KCNT1: variants seen among roughly 807,000 people sequenced by gnomAD.
The protein encoded by KCNT1 is potassium sodium-activated channel subfamily T member 1.
A neutral mutation model predicts 147.8 loss-of-function variants in KCNT1; 78 were observed. That is an observed-to-expected ratio of 0.53 (90% confidence interval 0.44 to 0.64). The LOEUF (loss-of-function observed/expected upper bound fraction) is 0.64, where lower values mean the gene tolerates loss of function less well. KCNT1 is among the 30% of genes least tolerant of loss of function. The pLI, the probability that KCNT1 is intolerant of heterozygous loss-of-function variation, is 0.00. For missense variants in KCNT1, 1,419 were observed against 1,750.3 expected (o/e 0.81, Z 3.38); for synonymous variants, 867 against 748.8 (o/e 1.16, Z -2.58).
In KCNT1 at chr9:135,714,809, C is replaced by A. The variant is rs1168091016; in HGVS notation, c.254+89C>A. On this transcript the variant is annotated intron_variant, in intron 2 of 30. Coordinates refer to ENST00000371757, the MANE Select transcript of KCNT1 (RefSeq NM_020822.3). This position sits in a 1 kb window ranked among gnomAD's most constrained non-coding sequence, Gnocchi z 6.2. Reference sequence around the variant, plus strand: ...TGTCCGCGGTGCTGACGGCCGGTCCCGCGCGCCCCCGCAGCCGCCGGCGCC... The same window carrying A: ...TGTCCGCGGTGCTGACGGCCGGTCCAGCGCGCCCCCGCAGCCGCCGGCGCC... The A allele has an allele frequency of 1.1e-6, 1 of 943,162 alleles. No homozygotes were observed. The highest frequency in any genetic ancestry group is 1.3e-6 in the Non-Finnish European group (1 of 756,526). 58.4% of individuals were successfully genotyped at this position (943,162 alleles called of 1,614,324 possible).
At chr9:135,705,824 G>A (rs994903434) in intron 1 of KCNT1, among the ~76,000 whole-genome samples, 2 of 151,918 alleles carry the variant, frequency 1.3e-5, no homozygotes, top group African/African-American at 4.8e-5. Flanking sequence ...CAGGGCAGAG[G>A]CCGCGAGCTT....
intron 5 of KCNT1, 35 bp from the exon 6 acceptor site, chr9:135,755,086 G>T: frequency 6.3e-7 from 1 of 1,578,522 alleles, no homozygotes. Context: ...TAGTGGCTGT[G>T]GTGCCCTACT....
chr9:135,732,923 C>G (rs1212019624), intron 2 of KCNT1, among the ~76,000 whole-genome samples: 17 of 152,018 alleles, frequency 1.1e-4, no homozygotes, highest in Non-Finnish European at 1.3e-4. Context: ...CCCAGCCAGA[C>G]AGTGACCAAA....
intron 11 of KCNT1, among the ~76,000 whole-genome samples, chr9:135,760,236 G>A (rs1831825802): frequency 6.6e-6 from 1 of 152,208 alleles, no homozygotes; most frequent in Non-Finnish European, 1.5e-5. Flanking sequence ...GCCCACAGGG[G>A]GCACACCCCC....
chr9:135,716,737 G>A (rs1053685259), intron 2 of KCNT1, among the ~76,000 whole-genome samples: 1 of 152,132 alleles, frequency 6.6e-6, no homozygotes, highest in Non-Finnish European at 1.5e-5. Context: ...GTGTGTGCTA[G>A]CTAGTGCGTG....
intron 11 of KCNT1, 25 bp downstream of exon 11, chr9:135,759,884 G>C: frequency 1.3e-6 from 2 of 1,572,896 alleles, no homozygotes; most frequent in Non-Finnish European, 1.7e-6. Context: ...CACCAGCCCT[G>C]GGTGGCACCA....
At position 135,786,358 on chromosome 9, in the gene KCNT1, C is replaced by A; in HGVS notation, c.3339C>A (p.Ala1113=). ...TACGGCGCAAGAGCCTGCAGTGGGC[C>A]CGGAGGCTGAGCCGCAAGGCGCCCA... ...PLLRRKSLQW[A]RRLSRKAPKQ... The change falls in exon 29 of 31, where the codon GCC becomes GCA. Residue 1113 remains alanine (A), a synonymous_variant. Transcript: ENST00000371757. 1 of 1,583,064 alleles carries A rather than the reference C, an allele frequency of 6.3e-7. No individual in the cohort carries two copies. Among genetic ancestry groups the A allele is most frequent in the South Asian group, 1.1e-5 (1 of 87,836 alleles).
At chr9:135,734,020 C>A (rs1830233584) in intron 2 of KCNT1, among the ~76,000 whole-genome samples, 1 of 152,072 alleles carries the variant, frequency 6.6e-6, no homozygotes, top group Non-Finnish European at 1.5e-5. Context: ...TCCACCTGGT[C>A]CCCTGTCCTC....
In KCNT1 at chr9:135,778,464, A is replaced by G. The variant is rs762496807; in HGVS notation, c.2563A>G (p.Met855Val). 6 of 1,556,130 alleles carry G rather than the reference A, an allele frequency of 3.9e-6. No individual in the cohort carries two copies. Among genetic ancestry groups the G allele is most frequent in the Non-Finnish European group, 8.7e-7 (1 of 1,149,710 alleles). Residue 855 changes from methionine (M) to valine (V), a missense_variant, in exon 22 of 31, where the codon ATG (methionine) becomes GTG (valine). Met to Val is a conservative substitution (Grantham distance 21). This residue lies in a region of KCNT1 where 247 missense variants were observed against 397.1 expected (regional missense o/e 0.62). Transcript: ENST00000371757. ...CCTGGAAGCCATCTGCTGCTTCCCC[A>G]TGGTCTACTACATGGAGGGCTCTGT... ...HFLEAICCFP[M>V]VYYMEGSVDN...
At chr9:135,743,537 C>G (rs1830665615) in intron 2 of KCNT1, among the ~76,000 whole-genome samples, 1 of 152,186 alleles carries the variant, frequency 6.6e-6, no homozygotes, top group African/African-American at 2.4e-5. Context: ...AGGCCAGTGG[C>G]CACCACCGGA....
chr9:135,731,960 GTATATATATATATA>G (rs776201547), intron 2 of KCNT1, among the ~76,000 whole-genome samples: 5,835 of 41,602 alleles, frequency 0.14, 710 homozygotes, highest in Admixed American at 0.18. Context: ...AAATATGCGT[GTATATATATATATA>G]TATATATATA....
intron 2 of KCNT1, among the ~76,000 whole-genome samples, chr9:135,729,187 G>C (rs138714324): frequency 6.6e-6 from 1 of 152,354 alleles, no homozygotes; most frequent in Non-Finnish European, 1.5e-5. Context: ...AGTGGGCTGC[G>C]TCTACTCACA....
At chr9:135,702,392 A>C in intron 1 of KCNT1, 24 bp downstream of exon 1, 5 of 1,542,632 alleles carry the variant, frequency 3.2e-6, no homozygotes, top group Non-Finnish European at 4.4e-6. Context: ...CGCCCTCCCC[A>C]CGCGGGGAGG....
intron 1 of KCNT1, among the ~76,000 whole-genome samples, chr9:135,713,422 TC>T (rs749368514): frequency 6.6e-6 from 1 of 152,218 alleles, no homozygotes; most frequent in Non-Finnish European, 1.5e-5. Context: ...TGCCCATAGC[TC>T]CTTGCCTGCT....
In KCNT1 at chr9:135,769,188, C is replaced by T. The variant is rs56413753; in HGVS notation, c.1510+251C>T. ...GTGCGTCTGGGGCAGGGCGCGTGTGCACACGTGGGTGACAGTGCATCTGGG... is the reference window on the plus strand; with the variant it reads ...GTGCGTCTGGGGCAGGGCGCGTGTGTACACGTGGGTGACAGTGCATCTGGG... On this transcript the variant is annotated intron_variant, in intron 15 of 30. Transcript: ENST00000371757. Among the ~76,000 whole-genome samples, 5,701 of 114,736 alleles carry T rather than the reference C, an allele frequency of 0.05. 120 individuals carry two copies. The highest frequency in any genetic ancestry group is 0.072 in the Non-Finnish European group (3,599 of 50,244). 75.3% of individuals were successfully genotyped at this position (114,736 alleles called of 152,430 possible).
intron 2 of KCNT1, among the ~76,000 whole-genome samples, chr9:135,738,785 C>T (rs1422319890): frequency 6.6e-6 from 1 of 152,192 alleles, no homozygotes; most frequent in East Asian, 1.9e-4. Context: ...TCCTCCCACA[C>T]AGTCCAGCTC....
At chr9:135,786,997 G>A (rs1012698713) in intron 29 of KCNT1, among the ~76,000 whole-genome samples, 12 of 152,208 alleles carry the variant, frequency 7.9e-5, no homozygotes, top group Admixed American at 5.2e-4. Context: ...GCTGGACAGC[G>A]GATACCCAGG....
At chr9:135,736,686 G>GGGCGCCCCAGCC (rs1830355689) in intron 2 of KCNT1, 1 of 331,084 alleles carries the variant, frequency 3.0e-6, no homozygotes, top group Non-Finnish European at 5.5e-6. Context: ...CGGGCCCGGG[G>GGGCGCCCCAGCC]GGCGCCCCAG....
chr9:135,779,273 C>A (rs1833425421), intron 23 of KCNT1, 86 bp from the exon 24 acceptor site: 3 of 806,892 alleles, frequency 3.7e-6, no homozygotes, highest in Non-Finnish European at 6.3e-6. Flanking sequence ...GCCCTGAGAC[C>A]CCCACAGCCA....
Sources: gnomAD v4.1 joint callset for allele counts (sites outside exome capture counted in the v4.1 genomes callset) on GRCh38, gnomAD v4.1.1 for gene constraint, gnomAD v4.1.1 regional missense constraint, Gnocchi (gnomAD v3.1) non-coding constraint, MANE v1.5 for transcripts, NCBI Gene and HGNC (gene_info 2026-07-23, HGNC 2026-07-21) for gene names.